PASK: variants seen among roughly 807,000 people sequenced by gnomAD.
The protein encoded by PASK is PAS domain containing serine/threonine kinase, also known as PAS domain-containing serine/threonine-protein kinase.
Under a neutral mutation model 121.0 loss-of-function variants are expected in PASK, and 110 were observed. The observed-to-expected ratio is 0.91, with a 90% CI of 0.78 to 1.06. PASK has a LOEUF of 1.06. Ranked by LOEUF, PASK falls within the 50% of genes least tolerant of loss-of-function variation. PASK has a pLI of 0.00. For missense variants in PASK, 1,643 were observed against 1,702.3 expected (o/e 0.97, Z 0.61); for synonymous variants, 686 against 717.8 (o/e 0.96, Z 0.71).
At chr2:241,121,649 A>T (rs1026060076) in intron 12 of PASK, among the ~76,000 whole-genome samples, 1 of 152,214 alleles carries the variant, frequency 6.6e-6, no homozygotes, top group Non-Finnish European at 1.5e-5. Flanking sequence ...TATAGACATA[A>T]ATGACTAAAA....
rs1221632039 is a variant in PASK, at chr2:241,107,575, ACCACC to A, written c.3668-81_3668-77del. Reference sequence around the variant, plus strand: ...GCACATCTCAGATTCCTGGGTGCTCACCACCCCCCCGCAGAGCCTCTGACTGGGCA... The same window carrying A: ...GCACATCTCAGATTCCTGGGTGCTCACCCCCGCAGAGCCTCTGACTGGGCA... On this transcript the variant is annotated intron_variant, in intron 16 of 17. Transcript: ENST00000234040. 7.0e-6 allele frequency: 10 copies of A among 1,420,514 alleles called. No homozygotes were observed. The Admixed American group carries it at 1.7e-4, about 24-fold the overall frequency. 88.0% of individuals were successfully genotyped at this position (1,420,514 alleles called of 1,614,324 possible).
chr2:241,131,242 A>G (rs926224637), intron 9 of PASK, among the ~76,000 whole-genome samples: 4 of 149,830 alleles, frequency 2.7e-5, no homozygotes, highest in African/African-American at 7.4e-5. Flanking sequence ...TCCGCCTCCC[A>G]GGTTCACACC....
chr2:241,140,612 C>T lies in PASK; in HGVS notation c.338G>A (p.Gly113Glu), dbSNP rs1233368699. 2 of 1,614,118 alleles carry T rather than the reference C, an allele frequency of 1.2e-6. No homozygotes were observed. The change falls in exon 3 of 18, where the codon GGA becomes GAA. Residue 113 changes from glycine (G) to glutamate (E), a missense_variant. By Grantham distance (98) the Gly-to-Glu change is moderately conservative. This residue lies in a region of PASK where 1,176 missense variants were observed against 1,162.2 expected (regional missense o/e 1.01). Coordinates refer to ENST00000234040, the MANE Select transcript of PASK (RefSeq NM_015148.4). The stretch of plus-strand genomic sequence containing the variant: ...AGGTGAGGACCACCCTGAGGACAGT[C>T]CCCGCAGCAGGGAGCAGCAGGACAC... ...GSVSCCSLLR[G>E]LSSGWSSPLL...
At chr2:241,142,771 G>T in intron 2 of PASK, 66 bp downstream of exon 2, 1 of 1,230,658 alleles carries the variant, frequency 8.1e-7, no homozygotes, top group Non-Finnish European at 1.2e-6. Flanking sequence ...GTTTCCATGA[G>T]AACACAGAGC....
At chr2:241,126,026 A>G (rs185799389) in intron 10 of PASK, among the ~76,000 whole-genome samples, 170 bp downstream of exon 10, 4 of 152,308 alleles carry the variant, frequency 2.6e-5, no homozygotes, top group Admixed American at 2.6e-4. Context: ...CACATTCGTA[A>G]TCTTAATTTT....
At chr2:241,139,516 G>C in intron 4 of PASK, 1 of 496,760 alleles carries the variant, frequency 2.0e-6, no homozygotes. Context: ...ACACCAAACA[G>C]AATGTAAAAA....
At position 241,127,157 on chromosome 2, in the gene PASK, A is replaced by G. The variant is rs750487318; in HGVS notation, c.1758T>C (p.Leu586=). 2.3e-5 allele frequency: 37 copies of G among 1,613,884 alleles called. No individual in the cohort carries two copies. Among genetic ancestry groups the G allele is most frequent in the Middle Eastern group, 1.6e-4 (1 of 6,082 alleles). The change falls in exon 10 of 18, where the codon CTT becomes CTC. Residue 586 remains leucine, a synonymous_variant. Transcript: ENST00000234040. The part of the protein sequence containing the change: ...MGVSGPSGSD[L]WAGAAVAKPQ... ...GCTTGGCCACGGCAGCCCCAGCCCA[A>G]AGGTCTGAACCGCTGGGACCACTGA...
chr2:241,125,993 G>A (rs536315777), intron 10 of PASK, among the ~76,000 whole-genome samples: 1 of 152,334 alleles, frequency 6.6e-6, no homozygotes, highest in African/African-American at 2.4e-5. Context: ...CTGGGACCTT[G>A]GGCGCCACCC....
Position 241,108,172 on chromosome 2 carries a change from G to A in PASK, c.3662C>T (p.Ser1221Phe), listed in dbSNP as rs1322890188. Residue 1221 changes from serine (S) to phenylalanine (F), a missense_variant, in exon 16 of 18, where the codon TCC (serine) becomes TTC (phenylalanine). Physicochemically the swap from Ser to Phe is radical, Grantham distance 155 (BLOSUM62 -2). Transcript: ENST00000234040. The surrounding 1 kb of genome is among the most constrained non-coding windows in gnomAD (Gnocchi z 5.2). The stretch of plus-strand genomic sequence containing the variant: ...CACTTGCAGCTCACGCTCACCTTTG[G>A]ACACCAGGTATGGCGGGTGTATGGC... Reference protein sequence around the residue: ...EAAIHPPYLVSKELMSLVSGL... With the variant: ...EAAIHPPYLVFKELMSLVSGL... 2 of 1,614,152 alleles carry A rather than the reference G, an allele frequency of 1.2e-6. No homozygotes were observed. Among genetic ancestry groups the A allele is most frequent in the South Asian group, 2.2e-5 (2 of 91,090 alleles).
upstream of PASK, chr2:241,150,063 A>G: frequency 7.5e-7 from 1 of 1,332,810 alleles, no homozygotes; most frequent in South Asian, 1.7e-5. Context: ...GGATGCACGT[A>G]GGACTGGCCC....
chr2:241,108,318 C>T lies in PASK; in HGVS notation c.3534-18G>A. 2 of 1,613,692 alleles carry T rather than the reference C, an allele frequency of 1.2e-6. No individual in the cohort carries two copies. The highest frequency in any genetic ancestry group is 1.7e-6 in the Non-Finnish European group (2 of 1,179,842). On this transcript the variant is annotated intron_variant, in intron 15 of 17. Coordinates refer to ENST00000234040, the MANE Select transcript of PASK (RefSeq NM_015148.4). This position sits in a 1 kb window ranked among gnomAD's most constrained non-coding sequence, Gnocchi z 5.2. Reference sequence around the variant, plus strand: ...CTCTGTAGCTGTGAGGAGGAGGAGGCATCAGGACGCCACGGCACTCAGCGC... The same window carrying T: ...CTCTGTAGCTGTGAGGAGGAGGAGGTATCAGGACGCCACGGCACTCAGCGC...
At chr2:241,143,095 GA>G in intron 1 of PASK, 21 bp from the exon 2 acceptor site, 2 of 1,192,854 alleles carry the variant, frequency 1.7e-6, no homozygotes, top group Non-Finnish European at 2.5e-6. Context: ...ACATGAAGCT[GA>G]TTAACATCTG....
chr2:241,119,467 T>TC (rs1491284916), intron 12 of PASK, among the ~76,000 whole-genome samples: 5 of 131,484 alleles, frequency 3.8e-5, no homozygotes, highest in African/African-American at 1.4e-4. Context: ...GCAAGATGCT[T>TC]CTTTTTTTTT....
At chr2:241,139,033 T>C (rs1031647172) in intron 4 of PASK, among the ~76,000 whole-genome samples, 2 of 152,232 alleles carry the variant, frequency 1.3e-5, no homozygotes, top group East Asian at 1.9e-4. Flanking sequence ...CATGGTAATA[T>C]TGCAGGGTGA....
At chr2:241,129,701 C>G (rs2066036015) in intron 9 of PASK, among the ~76,000 whole-genome samples, 1 of 152,258 alleles carries the variant, frequency 6.6e-6, no homozygotes, top group Non-Finnish European at 1.5e-5. Flanking sequence ...CATCCTCCAG[C>G]TGCCCTGGCA....
intron 1 of PASK, among the ~76,000 whole-genome samples, chr2:241,144,112 CCGTGCGTGTGTGTGCGTGTGCA>C: frequency 6.6e-6 from 1 of 151,602 alleles, no homozygotes; most frequent in Non-Finnish European, 1.5e-5. Flanking sequence ...GCGTGTGTGT[CCGTGCGTGTGTGTGCGTGTGCA>C]CATGTGTACA....
In PASK at chr2:241,143,034, G is replaced by A. The variant is rs779557979; in HGVS notation, c.-2C>T. On this transcript the variant is annotated 5_prime_UTR_variant, in exon 2 of 18. Transcript: ENST00000234040. ...GGCTGTTAAGCCCCCGTCCTCCATG[G>A]GAAGAAGGGAGGCCAACTGCCAAGC... 6.2e-7 allele frequency: 1 copy of A among 1,612,446 alleles called. No homozygotes were observed. The highest frequency in any genetic ancestry group is 8.5e-7 in the Non-Finnish European group (1 of 1,178,816).
intron 7 of PASK, 38 bp downstream of exon 7, chr2:241,136,965 TC>T: frequency 6.2e-7 from 1 of 1,601,210 alleles, no homozygotes. Flanking sequence ...AGCAGCTTCC[TC>T]CCAGGGAACG....
chr2:241,111,942 T>C (rs930779098), intron 15 of PASK, among the ~76,000 whole-genome samples: 7 of 152,256 alleles, frequency 4.6e-5, no homozygotes, highest in Non-Finnish European at 8.8e-5. Flanking sequence ...TCTTCACTTA[T>C]TTGAAGAGTG....
Sources: allele counts gnomAD v4.1 joint callset (sites outside exome capture counted in the v4.1 genomes callset), GRCh38; gene constraint gnomAD v4.1.1; regional missense constraint gnomAD v4.1.1; non-coding constraint Gnocchi (gnomAD v3.1); transcripts MANE v1.5; gene names NCBI Gene and HGNC (gene_info 2026-07-23, HGNC 2026-07-21).